The following DNAJC11 variants were observed in gnomAD, a reference collection of about 807,000 sequenced individuals.
DNAJC11 encodes dnaJ homolog subfamily C member 11.
In DNAJC11, 15 loss-of-function variants were observed where a neutral mutation model predicts 78.6. That is an observed-to-expected ratio of 0.19 (90% CI 0.13 to 0.29). The LOEUF (loss-of-function observed/expected upper bound fraction) is 0.29, where lower values mean the gene tolerates loss of function less well. Ranked by LOEUF, DNAJC11 falls within the 10% of genes least tolerant of loss-of-function variation. The probability of loss-of-function intolerance (pLI) is 1.00; values close to 1 mark genes in which losing one functional copy is unlikely to be tolerated. For missense variants in DNAJC11, 547 were observed against 709.6 expected (o/e 0.77, Z 2.60); for synonymous variants, 292 against 272.1 (o/e 1.07, Z -0.72).
At chr1:6,685,444 C>T (rs889170684) in intron 1 of DNAJC11, among the ~76,000 whole-genome samples, 1 of 152,210 alleles carries the variant, frequency 6.6e-6, no homozygotes, top group Admixed American at 6.5e-5. Context: ...GGCAATCCTT[C>T]AAGATGGATC....
chr1:6,652,057 A>T (rs1008389768), intron 6 of DNAJC11, among the ~76,000 whole-genome samples: 3 of 152,022 alleles, frequency 2.0e-5, no homozygotes, highest in African/African-American at 7.2e-5. Context: ...GGTCCTCAGG[A>T]GCCTGATGTT....
intron 4 of DNAJC11, among the ~76,000 whole-genome samples, chr1:6,657,121 G>T (rs1451697505): frequency 6.6e-6 from 1 of 152,058 alleles, no homozygotes; most frequent in African/African-American, 2.4e-5. Context: ...AACCTCTCAG[G>T]TTCACAAAAG....
At chr1:6,656,355 G>C (rs1472979717) in intron 4 of DNAJC11, among the ~76,000 whole-genome samples, 1 of 151,414 alleles carries the variant, frequency 6.6e-6, no homozygotes, top group East Asian at 1.9e-4. Flanking sequence ...GAATTGAAAA[G>C]GTCTACAGTT....
intron 1 of DNAJC11, 98 bp downstream of exon 1, chr1:6,701,631 G>T: frequency 7.7e-7 from 1 of 1,296,512 alleles, no homozygotes; most frequent in Non-Finnish European, 1.0e-6. Flanking sequence ...ACGGACCCGA[G>T]CCTCCCGTGG....
At chr1:6,683,289 G>A (rs1441110388) in intron 1 of DNAJC11, among the ~76,000 whole-genome samples, 2 of 148,638 alleles carry the variant, frequency 1.3e-5, no homozygotes, top group African/African-American at 2.5e-5. Flanking sequence ...GGCAGTCAAC[G>A]GCCCATGTTT....
At chr1:6,678,050 C>T (rs1045154317) in intron 3 of DNAJC11, among the ~76,000 whole-genome samples, 1 of 152,188 alleles carries the variant, frequency 6.6e-6, no homozygotes, top group Non-Finnish European at 1.5e-5. Context: ...GGAGACAGAA[C>T]TGCACCCTTG....
chr1:6,672,342 A>C (rs1438295895), intron 3 of DNAJC11, among the ~76,000 whole-genome samples: 3 of 152,204 alleles, frequency 2.0e-5, no homozygotes, highest in Non-Finnish European at 2.9e-5. Context: ...TAGGAGAAAA[A>C]AGAAAACAAA....
chr1:6,635,649 C>A lies in DNAJC11; in HGVS notation c.*26G>T. 1 of 1,612,178 alleles carries A rather than the reference C, an allele frequency of 6.2e-7. No individual in the cohort carries two copies. Among genetic ancestry groups the A allele is most frequent in the Non-Finnish European group, 8.5e-7 (1 of 1,179,388 alleles). ...CTCCCAGGAAAAGATTTTTTGCGGC[C>A]TTTTAAAAATCTGGTTCTTGGCAGT... On this transcript the variant is annotated 3_prime_UTR_variant, in exon 16 of 16. Coordinates refer to ENST00000377577, the MANE Select transcript of DNAJC11 (RefSeq NM_018198.4).
chr1:6,657,632 C>T (rs1642147236), intron 4 of DNAJC11, among the ~76,000 whole-genome samples: 1 of 152,212 alleles, frequency 6.6e-6, no homozygotes, highest in Admixed American at 6.5e-5. Context: ...TCTGTAGATA[C>T]ATGCCCCAAA....
chr1:6,656,731 C>A (rs1424094258), intron 4 of DNAJC11, among the ~76,000 whole-genome samples: 5 of 123,276 alleles, frequency 4.1e-5, no homozygotes, highest in East Asian at 2.3e-4. Flanking sequence ...AAACTAAAAC[C>A]AAAAAAAAAA....
intron 1 of DNAJC11, among the ~76,000 whole-genome samples, chr1:6,694,484 C>T (rs1346816676): frequency 6.6e-6 from 1 of 152,072 alleles, no homozygotes; most frequent in Admixed American, 6.6e-5. Flanking sequence ...AAAAGTGAAG[C>T]GGTACAGCAG....
intron 3 of DNAJC11, among the ~76,000 whole-genome samples, chr1:6,676,583 G>GGTAC (rs994611313): frequency 2.6e-5 from 4 of 152,234 alleles, no homozygotes; most frequent in African/African-American, 9.6e-5. Flanking sequence ...GGGAGGCTGA[G>GGTAC]GTAGGAGACT....
At chr1:6,662,467 G>A (rs1311369034) in intron 4 of DNAJC11, among the ~76,000 whole-genome samples, 1 of 152,154 alleles carries the variant, frequency 6.6e-6, no homozygotes, top group African/African-American at 2.4e-5. Context: ...GTGTTGGTGA[G>A]AGGTGAAGCC....
intron 3 of DNAJC11, among the ~76,000 whole-genome samples, chr1:6,677,365 T>C (rs1352031812): frequency 2.0e-5 from 3 of 152,062 alleles, no homozygotes; most frequent in Non-Finnish European, 4.4e-5. Flanking sequence ...TGATCATAGC[T>C]CACTGCAGCC....
At chr1:6,688,455 G>A (rs1383764165) in intron 1 of DNAJC11, among the ~76,000 whole-genome samples, 4 of 152,074 alleles carry the variant, frequency 2.6e-5, no homozygotes, top group Admixed American at 6.6e-5. Flanking sequence ...AATGTCAACC[G>A]GCTTTAGAAA....
At chr1:6,685,665 G>A (rs1642644892) in intron 1 of DNAJC11, among the ~76,000 whole-genome samples, 1 of 152,164 alleles carries the variant, frequency 6.6e-6, no homozygotes, top group Admixed American at 6.5e-5. Flanking sequence ...ACCTGACTGG[G>A]AACCCAGGCA....
In DNAJC11 at chr1:6,636,098, C is replaced by A; in HGVS notation, c.1654+19G>T. 6.2e-7 allele frequency: 1 copy of A among 1,608,984 alleles called. No individual in the cohort carries two copies. ...CCCCGCCCCCGTTAGCTGGTGACTG[C>A]GAAGGGACGGCTACTCACACTGCTT... is the stretch of plus-strand genomic sequence containing the variant. On this transcript the variant is annotated intron_variant, in intron 15 of 15. Coordinates refer to ENST00000377577, the MANE Select transcript of DNAJC11 (RefSeq NM_018198.4).
At position 6,652,947 on chromosome 1, in the gene DNAJC11, G is replaced by A; in HGVS notation, c.512C>T (p.Pro171Leu). Residue 171 changes from proline (P) to leucine (L), a missense_variant, in exon 6 of 16, where the codon CCC (proline) becomes CTC (leucine). By Grantham distance (98) the Pro-to-Leu change is moderately conservative. Coordinates refer to ENST00000377577, the MANE Select transcript of DNAJC11 (RefSeq NM_018198.4). ...GATGGCTGTGTCTGTCGCTGTCAAG[G>A]GTGCCTAAAAATGGTATTTGCTGGT... Reference protein sequence around the residue: ...KMHISQSIEAPLTATDTAILS... With the variant: ...KMHISQSIEALLTATDTAILS... 1 of 1,614,022 alleles carries A rather than the reference G, an allele frequency of 6.2e-7. No individual in the cohort carries two copies. Among genetic ancestry groups the A allele is most frequent in the Non-Finnish European group, 8.5e-7 (1 of 1,179,974 alleles).
intron 9 of DNAJC11, 21 bp from the exon 10 acceptor site, chr1:6,644,695 C>T: frequency 1.3e-6 from 2 of 1,592,620 alleles, no homozygotes; most frequent in Non-Finnish European, 1.7e-6. Context: ...AGAACGCGGT[C>T]TGTGCCTGTG....
Sources: gnomAD v4.1 joint callset for allele counts (sites outside exome capture counted in the v4.1 genomes callset) on GRCh38, gnomAD v4.1.1 for gene constraint, MANE v1.5 for transcripts, NCBI Gene and HGNC (gene_info 2026-07-23, HGNC 2026-07-21) for gene names.